The following PLEKHG7 variants were observed in gnomAD, a reference collection of about 807,000 sequenced individuals.
PLEKHG7 encodes pleckstrin homology domain-containing family G member 7.
Under a neutral mutation model 85.2 loss-of-function variants are expected in PLEKHG7, and 77 were observed. That is an observed-to-expected ratio of 0.90 (90% confidence interval 0.75 to 1.09). The LOEUF is 1.09. PLEKHG7 is among the 50% of genes least tolerant of loss of function. PLEKHG7 has a pLI of 0.00. For synonymous variants in PLEKHG7, 301 were observed against 302.4 expected (o/e 1.00, Z 0.05); for missense variants, 777 against 804.3 (o/e 0.97, Z 0.41).
At chr12:92,760,211 G>C (rs915915105) in intron 13 of PLEKHG7, among the ~76,000 whole-genome samples, 1 of 152,154 alleles carries the variant, frequency 6.6e-6, no homozygotes, top group Non-Finnish European at 1.5e-5. Flanking sequence ...CTCTGAGGAT[G>C]GGTACTCACT....
chr12:92,712,763 A>AGTAT (rs1871388344), intron 3 of PLEKHG7, among the ~76,000 whole-genome samples: 1 of 152,128 alleles, frequency 6.6e-6, no homozygotes, highest in African/African-American at 2.4e-5. Flanking sequence ...CCAGCTGCTA[A>AGTAT]GTATGTCTAT....
intron 13 of PLEKHG7, among the ~76,000 whole-genome samples, chr12:92,756,686 T>C (rs1872844351): frequency 6.6e-6 from 1 of 152,162 alleles, no homozygotes; most frequent in South Asian, 2.1e-4. Context: ...ATCTAGTAAA[T>C]AGTCAATGGC....
At chr12:92,724,523 G>A (rs1388288753) in intron 3 of PLEKHG7, among the ~76,000 whole-genome samples, 1 of 152,166 alleles carries the variant, frequency 6.6e-6, no homozygotes, top group African/African-American at 2.4e-5. Context: ...GATAGCATTT[G>A]CCTGGATGTC....
chr12:92,718,413 G>A (rs1040587488), intron 3 of PLEKHG7, among the ~76,000 whole-genome samples: 2 of 152,188 alleles, frequency 1.3e-5, no homozygotes, highest in South Asian at 4.1e-4. Context: ...CAACCTAATA[G>A]AATGTAAGTT....
At chr12:92,769,137 C>G (rs1873317849) in intron 16 of PLEKHG7, 57 bp downstream of exon 16, 1 of 1,296,342 alleles carries the variant, frequency 7.7e-7, no homozygotes, top group Non-Finnish European at 1.1e-6. Context: ...AAGCTCCCCC[C>G]AAGTGTCTTA....
At chr12:92,770,006 A>G (rs577031687) in intron 16 of PLEKHG7, 82 bp from the exon 17 acceptor site, 1 of 913,548 alleles carries the variant, frequency 1.1e-6, no homozygotes, top group Admixed American at 2.6e-5. Flanking sequence ...AATATAGCAG[A>G]AAATATTAGC....
intron 16 of PLEKHG7, 146 bp downstream of exon 16, chr12:92,769,226 A>G (rs2136638306): frequency 1.7e-6 from 1 of 595,972 alleles, no homozygotes; most frequent in East Asian, 3.0e-5. Context: ...GGAGGGGTAC[A>G]TCTAGTCCAT....
intron 3 of PLEKHG7, among the ~76,000 whole-genome samples, chr12:92,710,081 T>C (rs917000754): frequency 6.6e-6 from 1 of 152,162 alleles, no homozygotes; most frequent in Non-Finnish European, 1.5e-5. Flanking sequence ...CAGAACGTAA[T>C]GTCACAGGAA....
chr12:92,724,273 T>C (rs1322619710), intron 3 of PLEKHG7, among the ~76,000 whole-genome samples: 1 of 152,206 alleles, frequency 6.6e-6, no homozygotes, highest in East Asian at 1.9e-4. Context: ...ATTATGTTTC[T>C]CATTCAAATT....
intron 10 of PLEKHG7, among the ~76,000 whole-genome samples, chr12:92,751,724 T>G (rs1359934249): frequency 6.6e-6 from 1 of 151,846 alleles, no homozygotes; most frequent in Non-Finnish European, 1.5e-5. Context: ...CAGGATGTTT[T>G]CCAAAACATC....
chr12:92,752,414 A>G (rs1872715703), intron 10 of PLEKHG7, among the ~76,000 whole-genome samples: 1 of 152,202 alleles, frequency 6.6e-6, no homozygotes, highest in African/African-American at 2.4e-5. Context: ...TCCAGGAGCC[A>G]GAGGAAGATG....
chr12:92,740,241 A>T (rs569869909), intron 7 of PLEKHG7, among the ~76,000 whole-genome samples: 1 of 152,326 alleles, frequency 6.6e-6, no homozygotes, highest in Non-Finnish European at 1.5e-5. Context: ...TATAGAATGA[A>T]GGGCAGGCTA....
chr12:92,761,895 T>C, intron 14 of PLEKHG7, 64 bp downstream of exon 14: 4 of 1,452,872 alleles, frequency 2.8e-6, no homozygotes, highest in Non-Finnish European at 3.6e-6. Flanking sequence ...TAGAAATATT[T>C]CTAAATAAAC....
intron 3 of PLEKHG7, among the ~76,000 whole-genome samples, chr12:92,715,738 A>AAT (rs1871467703): frequency 7.0e-6 from 1 of 143,428 alleles, no homozygotes; most frequent in Non-Finnish European, 1.5e-5. Context: ...AAAAAAAAAA[A>AAT]GGCCTATCAA....
chr12:92,761,619 GAAAGAAGAAAGAAAGAAAGAAAGAAAGA>G (rs1873001606), intron 13 of PLEKHG7, 105 bp from the exon 14 acceptor site: 2 of 993,384 alleles, frequency 2.0e-6, no homozygotes, highest in Non-Finnish European at 1.3e-6. Context: ...AAGAAAGAAA[GAAAGAAGAAAGAAAGAAAGAAAGAAAGA>G]AAGAAAGAAA....
chr12:92,717,367 A>G (rs562408579), intron 3 of PLEKHG7, among the ~76,000 whole-genome samples: 1 of 152,222 alleles, frequency 6.6e-6, no homozygotes, highest in Admixed American at 6.5e-5. Context: ...GGGGTTACCA[A>G]TAGGGGGCAG....
chr12:92,721,118 C>T (rs1871627871), intron 3 of PLEKHG7, among the ~76,000 whole-genome samples: 1 of 152,142 alleles, frequency 6.6e-6, no homozygotes. Flanking sequence ...ATGTAAAGCA[C>T]GTAACAAAGT....
At chr12:92,753,989 A>G in intron 10 of PLEKHG7, 101 bp from the exon 11 acceptor site, 1 of 1,190,096 alleles carries the variant, frequency 8.4e-7, no homozygotes, top group Non-Finnish European at 1.2e-6. Context: ...TAGGTCCTGC[A>G]GTTACTGAGT....
Position 92,707,012 on chromosome 12 carries a change from G to A in PLEKHG7, c.381G>A (p.Arg127=), listed in dbSNP as rs1420081758. Residue 127 remains arginine (R), a synonymous_variant, in exon 2 of 17, where the codon CGG becomes CGA. Coordinates refer to ENST00000344636, the MANE Select transcript of PLEKHG7 (RefSeq NM_001377329.1). The part of the protein sequence containing the change: ...NAADSLEPQT[R]PTDKYLPPEL... ...CTGACTCACTGGAGCCCCAAACCCGGCCCACTGACAAGTATCTCCCTCCTG... is the reference window on the plus strand; with the variant it reads ...CTGACTCACTGGAGCCCCAAACCCGACCCACTGACAAGTATCTCCCTCCTG... 5 of 1,613,780 alleles carry A rather than the reference G, an allele frequency of 3.1e-6. No homozygotes were observed. In the African/African-American group the frequency reaches 6.7e-5, roughly 22 times the overall value.
Sources: gnomAD v4.1 joint callset for allele counts (sites outside exome capture counted in the v4.1 genomes callset) on GRCh38, gnomAD v4.1.1 for gene constraint, MANE v1.5 for transcripts, NCBI Gene and HGNC (gene_info 2026-07-23, HGNC 2026-07-21) for gene names.